Variants in GRIA1 observed in about 807,000 individuals in gnomAD.
The protein encoded by GRIA1 is glutamate receptor 1.
In GRIA1, 31 loss-of-function variants were observed where a neutral mutation model predicts 99.2. The observed-to-expected ratio is 0.31, with a 90% confidence interval of 0.23 to 0.42. GRIA1 has a LOEUF of 0.42. Ranked by LOEUF, GRIA1 falls within the 10% of genes least tolerant of loss-of-function variation. The pLI is 1.00. For missense variants in GRIA1, 782 were observed against 1,157.5 expected (o/e 0.68, Z 4.71); for synonymous variants, 438 against 432.4 (o/e 1.01, Z -0.16).
In GRIA1 at chr5:153,726,507, G is replaced by C. The variant is rs535264722; in HGVS notation, c.1823+20440G>C. On this transcript the variant is annotated intron_variant, in intron 11 of 15. Coordinates refer to ENST00000285900, the MANE Select transcript of GRIA1 (RefSeq NM_000827.4). ...ATAGACCACTAGCAAGACTAATAAA[G>C]AAGAAAAGAGAGAAGAATCAAATAG... 8.6e-3 allele frequency among the ~76,000 whole-genome samples: 1,300 copies of C among 151,470 alleles called. 8 individuals carry two copies. The highest frequency in any genetic ancestry group is 0.014 in the Middle Eastern group (4 of 294).
At chr5:153,771,655 T>C (rs1245951266) in intron 13 of GRIA1, among the ~76,000 whole-genome samples, 1 of 152,160 alleles carries the variant, frequency 6.6e-6, no homozygotes, top group Non-Finnish European at 1.5e-5. Flanking sequence ...CAGAACAAAA[T>C]TCTCACTATG....
chr5:153,688,831 T>C (rs796150210), intron 8 of GRIA1, among the ~76,000 whole-genome samples: 7 of 152,132 alleles, frequency 4.6e-5, no homozygotes, highest in African/African-American at 1.7e-4. Context: ...GTGATTCTCC[T>C]GCCTCAGCCT....
chr5:153,747,420 T>C (rs974325691), intron 11 of GRIA1, among the ~76,000 whole-genome samples: 4 of 152,260 alleles, frequency 2.6e-5, no homozygotes, highest in East Asian at 1.9e-4. Context: ...ACCTCCAACA[T>C]TGACAATCAC....
chr5:153,498,652 A>G (rs1754672434), intron 2 of GRIA1, among the ~76,000 whole-genome samples: 1 of 151,888 alleles, frequency 6.6e-6, no homozygotes, highest in African/African-American at 2.4e-5. Context: ...TCAACTTCAG[A>G]GTTGCAACAC....
At chr5:153,618,907 A>T (rs1287888787) in intron 2 of GRIA1, among the ~76,000 whole-genome samples, 1 of 152,224 alleles carries the variant, frequency 6.6e-6, no homozygotes, top group African/African-American at 2.4e-5. Context: ...TTTTTCTTCA[A>T]AATGTTTAAA....
intron 11 of GRIA1, among the ~76,000 whole-genome samples, chr5:153,760,030 A>G (rs1485568792): frequency 6.6e-6 from 1 of 152,178 alleles, no homozygotes; most frequent in East Asian, 1.9e-4. Context: ...CAAATTAACT[A>G]TAGAAAGAAA....
chr5:153,532,945 C>A (rs886851460), intron 2 of GRIA1, among the ~76,000 whole-genome samples: 1 of 152,156 alleles, frequency 6.6e-6, no homozygotes, highest in Non-Finnish European at 1.5e-5. Flanking sequence ...AGCCCAGGAC[C>A]TAGAAGATTC....
chr5:153,735,090 C>G (rs1761293285), intron 11 of GRIA1, among the ~76,000 whole-genome samples: 1 of 152,088 alleles, frequency 6.6e-6, no homozygotes, highest in Non-Finnish European at 1.5e-5. Flanking sequence ...AGGTCCCCAC[C>G]ACAAAGAATT....
intron 2 of GRIA1, among the ~76,000 whole-genome samples, chr5:153,614,104 C>G (rs1165771050): frequency 6.6e-6 from 1 of 152,244 alleles, no homozygotes; most frequent in Non-Finnish European, 1.5e-5. Flanking sequence ...CCTATTTATT[C>G]TTTAGGTCTC....
intron 5 of GRIA1, among the ~76,000 whole-genome samples, chr5:153,670,120 T>A (rs1756046272): frequency 6.6e-6 from 1 of 152,194 alleles, no homozygotes. Context: ...GAGCTTACAG[T>A]TTATTGGTCA....
chr5:153,603,531 T>TA (rs11399181), intron 2 of GRIA1, among the ~76,000 whole-genome samples: 35,444 of 151,308 alleles, frequency 0.23, 5,129 homozygotes, highest in East Asian at 0.76. Flanking sequence ...TAATAATAAT[T>TA]AAAAAAAAAC....
intron 2 of GRIA1, among the ~76,000 whole-genome samples, chr5:153,571,129 A>G (rs985287934): frequency 4.6e-5 from 7 of 152,198 alleles, no homozygotes; most frequent in Non-Finnish European, 8.8e-5. Flanking sequence ...GAGGATGTTC[A>G]TCAGTATCCT....
intron 7 of GRIA1, among the ~76,000 whole-genome samples, chr5:153,678,133 A>C (rs1395662143): frequency 2.6e-5 from 4 of 152,212 alleles, no homozygotes; most frequent in Non-Finnish European, 5.9e-5. Context: ...CCTGCCTAAG[A>C]CCAGCTTTAC....
chr5:153,721,275 C>T lies in GRIA1; in HGVS notation c.1823+15208C>T, dbSNP rs10065287. 3.3e-3 allele frequency among the ~76,000 whole-genome samples: 499 copies of T among 152,320 alleles called. 2 individuals carry two copies. The highest frequency in any genetic ancestry group is 0.011 in the African/African-American group (471 of 41,560). ...CTTTCCTCTTAAATTTAAGATAACA[C>T]ATTGAGCAAACAAAGGTATAGATAG... On this transcript the variant is annotated intron_variant, in intron 11 of 15. Transcript: ENST00000285900.
chr5:153,703,040 A>T (rs1758642739), intron 10 of GRIA1, among the ~76,000 whole-genome samples: 1 of 152,230 alleles, frequency 6.6e-6, no homozygotes, highest in South Asian at 2.1e-4. Flanking sequence ...CTCCAGTGAG[A>T]ACCTCAGTTA....
At chr5:153,527,941 T>C (rs538302469) in intron 2 of GRIA1, among the ~76,000 whole-genome samples, 4 of 152,330 alleles carry the variant, frequency 2.6e-5, no homozygotes, top group African/African-American at 9.6e-5. Flanking sequence ...ATGATTGCAG[T>C]AGTAAAGCTT....
chr5:153,726,712 A>T (rs1014019072), intron 11 of GRIA1, among the ~76,000 whole-genome samples: 1 of 152,246 alleles, frequency 6.6e-6, no homozygotes, highest in Non-Finnish European at 1.5e-5. Context: ...ATCTGAGTAG[A>T]CCAATAACAG....
intron 2 of GRIA1, among the ~76,000 whole-genome samples, chr5:153,569,255 T>C (rs773751286): frequency 3.1e-4 from 47 of 152,326 alleles, no homozygotes; most frequent in Non-Finnish European, 6.3e-4. Flanking sequence ...AATGCCCAGA[T>C]TTACAAGCAC....
chr5:153,773,662 T>C (rs929612958), intron 13 of GRIA1, among the ~76,000 whole-genome samples: 1 of 152,180 alleles, frequency 6.6e-6, no homozygotes. Flanking sequence ...TAACAAGCCA[T>C]TTATTGATTT....
Sources: allele counts gnomAD v4.1 joint callset (sites outside exome capture counted in the v4.1 genomes callset), GRCh38; gene constraint gnomAD v4.1.1; transcripts MANE v1.5; gene names NCBI Gene and HGNC (gene_info 2026-07-23, HGNC 2026-07-21).